Variants in UVRAG observed in about 807,000 individuals in gnomAD.
The protein encoded by UVRAG is UV radiation resistance-associated gene protein.
UVRAG carries 19 observed loss-of-function variants against 78.0 expected under a neutral mutation model. The observed-to-expected ratio is 0.24, with a 90% CI of 0.17 to 0.36. UVRAG has a LOEUF of 0.36. Among genes scored for constraint, UVRAG ranks in the 10% least tolerant of loss-of-function variants. The pLI, the probability that UVRAG is intolerant of heterozygous loss-of-function variation, is 1.00. For missense variants in UVRAG, 740 were observed against 853.8 expected (o/e 0.87, Z 1.66); for synonymous variants, 323 against 324.6 (o/e 1.00, Z 0.05).
chr11:75,900,589 A>G (rs1947471729), intron 5 of UVRAG, among the ~76,000 whole-genome samples: 2 of 152,204 alleles, frequency 1.3e-5, no homozygotes, highest in South Asian at 2.1e-4. Context: ...AATGAAGTCT[A>G]CTAGGATCAC....
chr11:75,947,551 A>G (rs936185278), intron 6 of UVRAG, among the ~76,000 whole-genome samples: 6 of 152,216 alleles, frequency 3.9e-5, no homozygotes, highest in South Asian at 2.1e-4. Flanking sequence ...GAGCTTGGAC[A>G]CATATATTTG....
chr11:75,913,958 A>G (rs1428079139), intron 6 of UVRAG, among the ~76,000 whole-genome samples: 3 of 152,190 alleles, frequency 2.0e-5, no homozygotes, highest in African/African-American at 7.2e-5. Context: ...AGTAATTTGA[A>G]CTGCCTTATT....
chr11:75,970,820 G>A (rs1480384438), intron 7 of UVRAG, among the ~76,000 whole-genome samples: 1 of 149,662 alleles, frequency 6.7e-6, no homozygotes, highest in Non-Finnish European at 1.5e-5. Context: ...AAAACATCTT[G>A]TACTCGTGTG....
chr11:76,063,278 G>A (rs1165434977), intron 12 of UVRAG, among the ~76,000 whole-genome samples: 1 of 152,170 alleles, frequency 6.6e-6, no homozygotes, highest in Admixed American at 6.5e-5. Context: ...TTTACAATCT[G>A]AGACAGACTG....
In UVRAG at chr11:76,117,447, G is replaced by T. The variant is rs76891758; in HGVS notation, c.1397+1432G>T. On this transcript the variant is annotated intron_variant, in intron 14 of 14. Transcript: ENST00000356136. ...ATTTCCAGGATCCCTATTCTGTTCT[G>T]TTGCTTTATTTGGCTAGCCATCGAT... Among the ~76,000 whole-genome samples the T allele has an allele frequency of 2.6e-5, 4 of 152,212 alleles. No homozygotes were observed. The South Asian group carries it at 8.3e-4, about 32-fold the overall frequency.
chr11:75,976,847 T>C (rs1325469251), intron 7 of UVRAG, among the ~76,000 whole-genome samples: 1 of 152,072 alleles, frequency 6.6e-6, no homozygotes, highest in Non-Finnish European at 1.5e-5. Context: ...TTTTTGAAGG[T>C]TTTTTTGTGT....
chr11:76,003,229 A>G (rs1406217254), intron 8 of UVRAG, among the ~76,000 whole-genome samples: 1 of 137,524 alleles, frequency 7.3e-6, no homozygotes, highest in Non-Finnish European at 1.6e-5. Context: ...CACATTTCCT[A>G]TACACTATGA....
intron 14 of UVRAG, among the ~76,000 whole-genome samples, chr11:76,117,815 G>T (rs138661400): frequency 6.6e-6 from 1 of 152,310 alleles, no homozygotes; most frequent in East Asian, 1.9e-4. Flanking sequence ...AATCAGGAAA[G>T]TCCCTCCTCC....
At chr11:75,815,886 A>AC (rs1383689892) in intron 1 of UVRAG, among the ~76,000 whole-genome samples, 1 of 152,018 alleles carries the variant, frequency 6.6e-6, no homozygotes, top group Non-Finnish European at 1.5e-5. Flanking sequence ...GACCCGGGGA[A>AC]CCCCCTGTGT....
intron 12 of UVRAG, 104 bp from the exon 13 acceptor site, chr11:76,065,606 C>A: frequency 1.1e-6 from 1 of 929,046 alleles, no homozygotes; most frequent in East Asian, 2.4e-5. Flanking sequence ...TAGTCCAATT[C>A]AGATGTTTAT....
intron 12 of UVRAG, among the ~76,000 whole-genome samples, chr11:76,043,752 C>T (rs1386491434): frequency 1.3e-5 from 2 of 152,162 alleles, no homozygotes; most frequent in Admixed American, 1.3e-4. Context: ...TAACCATGCT[C>T]AACCCTCAAA....
intron 12 of UVRAG, among the ~76,000 whole-genome samples, chr11:76,017,955 A>G (rs944080826): frequency 6.6e-6 from 1 of 152,200 alleles, no homozygotes; most frequent in African/African-American, 2.4e-5. Context: ...AGAGAAAGGA[A>G]CAAAGAATAA....
intron 12 of UVRAG, among the ~76,000 whole-genome samples, chr11:76,029,770 C>G (rs922693362): frequency 6.6e-6 from 1 of 152,144 alleles, no homozygotes; most frequent in African/African-American, 2.4e-5. Context: ...AGGATTGACT[C>G]CAATTGTAAA....
At chr11:75,972,545 T>C (rs892447260) in intron 7 of UVRAG, among the ~76,000 whole-genome samples, 8 of 152,224 alleles carry the variant, frequency 5.3e-5, no homozygotes, top group African/African-American at 1.9e-4. Context: ...TTTTGTTTCT[T>C]TGTCAAATAT....
At position 76,141,148 on chromosome 11, in the gene UVRAG, A is replaced by G; in HGVS notation, c.1835A>G (p.Gln612Arg). ...GAGCAGGCCGGGTCCGCCAGTGTCC[A>G]GCTTCCAGGCGAGTTCCACCCAGTC... is the stretch of plus-strand genomic sequence containing the variant. Reference protein sequence around the residue: ...PSEQAGSASVQLPGEFHPVSE... With the variant: ...PSEQAGSASVRLPGEFHPVSE... Residue 612 changes from glutamine (Q) to arginine (R), a missense_variant, in exon 15 of 15, where the codon CAG (glutamine) becomes CGG (arginine). Gln to Arg is a conservative substitution (Grantham distance 43). Transcript: ENST00000356136. 1 of 1,614,182 alleles carries G rather than the reference A, an allele frequency of 6.2e-7. No individual in the cohort carries two copies. Among genetic ancestry groups the G allele is most frequent in the Non-Finnish European group, 8.5e-7 (1 of 1,180,046 alleles).
At chr11:75,921,301 T>G (rs576793580) in intron 6 of UVRAG, among the ~76,000 whole-genome samples, 4 of 152,242 alleles carry the variant, frequency 2.6e-5, no homozygotes, top group Non-Finnish European at 4.4e-5. Flanking sequence ...TTTGTCAGCC[T>G]GGTGCAAGTA....
At position 75,979,181 on chromosome 11, in the gene UVRAG, C is replaced by T. The variant is rs187804344; in HGVS notation, c.700-4206C>T. Among the ~76,000 whole-genome samples the T allele has an allele frequency of 4.6e-5, 7 of 152,308 alleles. No homozygotes were observed. The East Asian group carries it at 1.3e-3, about 29-fold the overall frequency. ...GCCTGGGTATCACCAGTGGAGGCTG[C>T]AGAACTGCAAATATTGCAGAACGGC... On this transcript the variant is annotated intron_variant, in intron 7 of 14. Transcript: ENST00000356136.
At chr11:75,868,950 A>G (rs1946590098) in intron 3 of UVRAG, among the ~76,000 whole-genome samples, 1 of 152,240 alleles carries the variant, frequency 6.6e-6, no homozygotes, top group South Asian at 2.1e-4. Flanking sequence ...TTTTAAATGA[A>G]GAAGAGGTAT....
chr11:76,137,709 T>G, intron 14 of UVRAG: 1 of 318,870 alleles, frequency 3.1e-6, no homozygotes, highest in Non-Finnish European at 6.2e-6. Flanking sequence ...GACCAGTGTG[T>G]GCAAGATGAT....
Sources: allele counts gnomAD v4.1 joint callset (sites outside exome capture counted in the v4.1 genomes callset), GRCh38; gene constraint gnomAD v4.1.1; transcripts MANE v1.5; gene names NCBI Gene and HGNC (gene_info 2026-07-23, HGNC 2026-07-21).